Variants in RORA observed in about 807,000 individuals in gnomAD.
The protein encoded by RORA is RAR related orphan receptor A.
Under a neutral mutation model 69.5 loss-of-function variants are expected in RORA, and 7 were observed. The ratio of observed to expected loss-of-function variants is 0.10; its 90% CI spans 0.06 to 0.19. The LOEUF is 0.19. Among genes scored for constraint, RORA ranks in the 10% least tolerant of loss-of-function variants. The pLI is 1.00. For synonymous variants in RORA, 261 were observed against 240.8 expected (o/e 1.08, Z -0.78); for missense variants, 457 against 663.0 (o/e 0.69, Z 3.41).
chr15:60,698,072 G>T (rs1461264575), intron 1 of RORA, among the ~76,000 whole-genome samples: 1 of 152,190 alleles, frequency 6.6e-6, no homozygotes, highest in Non-Finnish European at 1.5e-5. Context: ...CTGTAGTCGT[G>T]AAGTGATTCT....
rs544363885 is a variant in RORA at position 60,608,056 on chromosome 15, G to T, written c.196+70601C>A. On this transcript the variant is annotated intron_variant, in intron 2 of 10. Coordinates refer to ENST00000335670, the MANE Select transcript of RORA (RefSeq NM_134261.3). ...GTGAAAACTAGTTAATTTGTAAGAG[G>T]CATGGAAACTGCTGCCTCTCCACCT... Among the ~76,000 whole-genome samples, 35 of 152,316 alleles carry T rather than the reference G, an allele frequency of 2.3e-4. 2 individuals are homozygous for T. The Middle Eastern group carries it at 0.024, about 104-fold the overall frequency.
chr15:61,117,781 G>A (rs782932), intron 1 of RORA, among the ~76,000 whole-genome samples: 69,801 of 152,084 alleles, frequency 0.46, 17,138 homozygotes, highest in East Asian at 0.65. Flanking sequence ...GCATCAATTT[G>A]TAGAAGAATG....
intron 1 of RORA, among the ~76,000 whole-genome samples, chr15:60,962,425 G>C (rs1017420258): frequency 6.6e-6 from 1 of 152,236 alleles, no homozygotes; most frequent in Non-Finnish European, 1.5e-5. Flanking sequence ...TTCTCAGACA[G>C]TGTCTCAGGC....
At chr15:61,111,146 G>A (rs796905303) in intron 1 of RORA, among the ~76,000 whole-genome samples, 74 of 152,282 alleles carry the variant, frequency 4.9e-4, no homozygotes, top group African/African-American at 1.6e-3. Context: ...TGCAGGTCTC[G>A]ATTTGATTTT....
intron 1 of RORA, among the ~76,000 whole-genome samples, chr15:61,017,591 A>G (rs1177419212): frequency 6.6e-6 from 1 of 151,880 alleles, no homozygotes; most frequent in Admixed American, 6.6e-5. Flanking sequence ...ACTTGAAAGG[A>G]TGATCTTGGA....
At chr15:60,616,409 T>C (rs1345632096) in intron 2 of RORA, among the ~76,000 whole-genome samples, 1 of 152,232 alleles carries the variant, frequency 6.6e-6, no homozygotes. Context: ...ACCTCCCAGT[T>C]GCACGAGGGC....
intron 1 of RORA, among the ~76,000 whole-genome samples, chr15:60,897,975 A>C (rs542520116): frequency 6.6e-6 from 1 of 152,352 alleles, no homozygotes; most frequent in Admixed American, 6.5e-5. Flanking sequence ...CCTCCTTCTA[A>C]GTCTATCCAG....
At chr15:60,544,460 C>G (rs1299658538) in intron 2 of RORA, among the ~76,000 whole-genome samples, 1 of 152,014 alleles carries the variant, frequency 6.6e-6, no homozygotes, top group African/African-American at 2.4e-5. Flanking sequence ...CCGAACCCCT[C>G]GTGCTCTCCC....
At chr15:60,945,456 G>T (rs577997429) in intron 1 of RORA, among the ~76,000 whole-genome samples, 7 of 152,154 alleles carry the variant, frequency 4.6e-5, no homozygotes, top group Non-Finnish European at 1.0e-4. Flanking sequence ...TATCATGGCT[G>T]CTGCAGACAA....
At chr15:60,702,762 G>A (rs1019587414) in intron 1 of RORA, among the ~76,000 whole-genome samples, 4 of 152,308 alleles carry the variant, frequency 2.6e-5, no homozygotes, top group Middle Eastern at 3.4e-3. Context: ...ACTGGCATGA[G>A]ATTTTTCTAT....
At chr15:60,538,211 A>T (rs1595933507) in intron 2 of RORA, among the ~76,000 whole-genome samples, 1 of 152,280 alleles carries the variant, frequency 6.6e-6, no homozygotes, top group Non-Finnish European at 1.5e-5. Flanking sequence ...AGAGGACATG[A>T]CACCAAAAAG....
chr15:60,704,766 G>T (rs141585034), intron 1 of RORA, among the ~76,000 whole-genome samples: 94 of 152,248 alleles, frequency 6.2e-4, no homozygotes, highest in African/African-American at 2.0e-3. Flanking sequence ...AAGCCTTGTT[G>T]GTTATTGATT....
intron 1 of RORA, among the ~76,000 whole-genome samples, chr15:60,784,524 T>C (rs540981958): frequency 1.7e-4 from 26 of 152,368 alleles, no homozygotes; most frequent in Middle Eastern, 3.4e-3. Context: ...GTGAGCATCT[T>C]TGCCCAGGAA....
At chr15:60,908,531 A>ATAAG (rs1340806748) in intron 1 of RORA, among the ~76,000 whole-genome samples, 2 of 152,352 alleles carry the variant, frequency 1.3e-5, no homozygotes, top group Non-Finnish European at 2.9e-5. Context: ...GCTACTAAAA[A>ATAAG]TAAGCTTTGG....
At chr15:60,725,859 T>G (rs976401703) in intron 1 of RORA, among the ~76,000 whole-genome samples, 1 of 152,078 alleles carries the variant, frequency 6.6e-6, no homozygotes, top group Admixed American at 6.5e-5. Flanking sequence ...ACGAGTGAAG[T>G]GGAAGGGAGG....
intron 1 of RORA, among the ~76,000 whole-genome samples, chr15:60,880,457 G>A (rs1021616258): frequency 2.0e-5 from 3 of 152,140 alleles, no homozygotes; most frequent in Admixed American, 6.5e-5. Flanking sequence ...GGGCCAACAC[G>A]GTGAAACCCC....
chr15:60,770,250 A>T (rs948009084), intron 1 of RORA, among the ~76,000 whole-genome samples: 1 of 152,188 alleles, frequency 6.6e-6, no homozygotes, highest in African/African-American at 2.4e-5. Flanking sequence ...TTTTAATGAA[A>T]ATTATAGAAG....
chr15:60,852,931 T>C (rs1374732323), intron 1 of RORA, among the ~76,000 whole-genome samples: 1 of 152,176 alleles, frequency 6.6e-6, no homozygotes, highest in East Asian at 1.9e-4. Context: ...CATGGGCTGG[T>C]CCAGGTGGGA....
rs2066519953 is a variant in RORA, at chr15:60,531,348, A to G, written c.282+418T>C. 1 of 162,034 alleles carries G rather than the reference A, an allele frequency of 6.2e-6. No individual in the cohort carries two copies. The highest frequency in any genetic ancestry group is 2.4e-5 in the African/African-American group (1 of 41,552). The allele number at this position is 162,034 out of a possible 1,614,324, so 10.0% of individuals were successfully genotyped here. A position where few individuals can be genotyped will look rare whatever the true frequency, so the allele number is the denominator to read the frequency against. On this transcript the variant is annotated intron_variant, in intron 3 of 10. Coordinates refer to ENST00000335670, the MANE Select transcript of RORA (RefSeq NM_134261.3). This position sits in a 1 kb window ranked among gnomAD's most constrained non-coding sequence, Gnocchi z 4.8. ...GATAGCTTTCCCACAATTTTGCCAG[A>G]TGTGTTAACATTATGTGTGCTAACA...
Sources: allele counts gnomAD v4.1 joint callset (sites outside exome capture counted in the v4.1 genomes callset), GRCh38; gene constraint gnomAD v4.1.1; non-coding constraint Gnocchi (gnomAD v3.1); transcripts MANE v1.5; gene names NCBI Gene and HGNC (gene_info 2026-07-23, HGNC 2026-07-21).